Variants in RBMS3 observed in about 807,000 individuals in gnomAD.
RBMS3 encodes RNA binding motif single stranded interacting protein 3.
In RBMS3, 27 loss-of-function variants were observed where a neutral mutation model predicts 66.8. The ratio of observed to expected loss-of-function variants is 0.40; its 90% confidence interval spans 0.30 to 0.56. The LOEUF (loss-of-function observed/expected upper bound fraction) is 0.56, where lower values mean the gene tolerates loss of function less well. Among genes scored for constraint, RBMS3 ranks in the 20% least tolerant of loss-of-function variants. The pLI, the probability that RBMS3 is intolerant of heterozygous loss-of-function variation, is 0.40. For missense variants in RBMS3, 513 were observed against 549.5 expected, an observed-to-expected ratio of 0.93 and a Z score of 0.66; for synonymous variants, 188 against 183.0, an observed-to-expected ratio of 1.03 and a Z score of -0.22.
At chr3:29,625,338 A>G (rs1173897198) in intron 4 of RBMS3, among the ~76,000 whole-genome samples, 2 of 152,292 alleles carry the variant, frequency 1.3e-5, no homozygotes, top group East Asian at 1.9e-4. Context: ...CAGACCACAT[A>G]GAACCAACTT....
rs915521141 is a variant in RBMS3, at chr3:29,423,216, G to T, written c.76-11527G>T. Reference sequence around the variant, plus strand: ...GCTGAGGGCCCCAGGCAGGCAGCTTGTCTGCCAAAGAGAGACACATTTACT... The same window carrying T: ...GCTGAGGGCCCCAGGCAGGCAGCTTTTCTGCCAAAGAGAGACACATTTACT... On this transcript the variant is annotated intron_variant, in intron 1 of 14. Transcript: ENST00000383767. Among the ~76,000 whole-genome samples, 4 of 152,156 alleles carry T rather than the reference G, an allele frequency of 2.6e-5. No individual in the cohort carries two copies. The East Asian group carries it at 7.7e-4, about 29-fold the overall frequency.
chr3:29,392,291 C>T (rs566083191), intron 1 of RBMS3, among the ~76,000 whole-genome samples: 2 of 152,164 alleles, frequency 1.3e-5, no homozygotes, highest in East Asian at 3.9e-4. Context: ...AAGGTAAGAT[C>T]TATTGCCAAA....
intron 1 of RBMS3, among the ~76,000 whole-genome samples, chr3:29,331,979 G>A (rs2035692706): frequency 6.6e-6 from 1 of 152,014 alleles, no homozygotes; most frequent in Admixed American, 6.6e-5. Flanking sequence ...CTTTGGGGGA[G>A]TATCTGGTCA....
intron 1 of RBMS3, among the ~76,000 whole-genome samples, chr3:29,323,380 T>G (rs991708007): frequency 5.3e-5 from 8 of 152,144 alleles, no homozygotes; most frequent in Non-Finnish European, 1.5e-5. Flanking sequence ...AACAAAGCCG[T>G]AAACTAGGTC....
At chr3:29,565,010 T>G (rs2046692601) in intron 3 of RBMS3, among the ~76,000 whole-genome samples, 1 of 152,206 alleles carries the variant, frequency 6.6e-6, no homozygotes, top group Non-Finnish European at 1.5e-5. Flanking sequence ...ATCCTTTCCT[T>G]TCTCCTAAGG....
At chr3:29,611,564 G>GA (rs1374295426) in intron 4 of RBMS3, among the ~76,000 whole-genome samples, 2 of 151,596 alleles carry the variant, frequency 1.3e-5, no homozygotes, top group African/African-American at 4.8e-5. Context: ...TTGTATGCCA[G>GA]AAAAAAATGC....
intron 1 of RBMS3, among the ~76,000 whole-genome samples, chr3:29,359,261 T>C (rs1179901269): frequency 6.6e-5 from 10 of 152,196 alleles, no homozygotes. Context: ...CATGAAGGGC[T>C]GTTGAATTTT....
chr3:29,684,436 G>A (rs905703490), intron 4 of RBMS3, among the ~76,000 whole-genome samples: 1 of 152,098 alleles, frequency 6.6e-6, no homozygotes, highest in Admixed American at 6.5e-5. Flanking sequence ...ATGATAAGAA[G>A]TTTTACCACA....
chr3:29,994,440 GGCCT>G (rs1260052236), intron 14 of RBMS3, among the ~76,000 whole-genome samples: 1 of 152,200 alleles, frequency 6.6e-6, no homozygotes, highest in Non-Finnish European at 1.5e-5. Flanking sequence ...AGCTCAAGGA[GGCCT>G]GCCTGCCTCT....
chr3:29,975,538 A>G lies in RBMS3; in HGVS notation c.1099-12605A>G, dbSNP rs115559914. 6.9e-3 allele frequency among the ~76,000 whole-genome samples: 1,042 copies of G among 152,040 alleles called. 9 individuals carry two copies. The highest frequency in any genetic ancestry group is 0.023 in the African/African-American group (962 of 41,528). ...TGAGATCAATCATGTTTTAATATGC[A>G]TATTATCGTTTACATCAACTATATA... On this transcript the variant is annotated intron_variant, in intron 12 of 14. Coordinates refer to ENST00000383767, the MANE Select transcript of RBMS3 (RefSeq NM_001003793.3).
At chr3:29,351,909 C>A (rs1478037294) in intron 1 of RBMS3, among the ~76,000 whole-genome samples, 3 of 151,986 alleles carry the variant, frequency 2.0e-5, no homozygotes, top group Admixed American at 6.6e-5. Context: ...TGCATACACA[C>A]ACACACGTAC....
chr3:29,323,052 A>G (rs990483750), intron 1 of RBMS3, among the ~76,000 whole-genome samples: 25 of 152,130 alleles, frequency 1.6e-4, no homozygotes, highest in Admixed American at 9.2e-4. Flanking sequence ...ATCCATCACA[A>G]CCAAGTAGAA....
intron 3 of RBMS3, among the ~76,000 whole-genome samples, chr3:29,557,085 A>G (rs1177413674): frequency 1.3e-5 from 2 of 152,194 alleles, no homozygotes; most frequent in South Asian, 2.1e-4. Context: ...TATTTCCTTA[A>G]TAAATAGCTT....
rs556731975 is a variant in RBMS3, at chr3:29,655,570, A to C, written c.399+68365A>C. On this transcript the variant is annotated intron_variant, in intron 4 of 14. Transcript: ENST00000383767. ...CTCACATGTGCGTGATGATGCTGGT[A>C]TAAACAAATCTATTGTGCTGCCAGT... Among the ~76,000 whole-genome samples, 4 of 152,380 alleles carry C rather than the reference A, an allele frequency of 2.6e-5. No individual in the cohort carries two copies. In the East Asian group the frequency reaches 7.7e-4, roughly 29 times the overall value.
At chr3:29,469,771 T>A (rs1293421091) in intron 2 of RBMS3, among the ~76,000 whole-genome samples, 1 of 151,238 alleles carries the variant, frequency 6.6e-6, no homozygotes, top group African/African-American at 2.4e-5. Context: ...ATAAAATGTC[T>A]GTGGGGAAAA....
chr3:29,949,442 G>A (rs559383384), intron 12 of RBMS3, among the ~76,000 whole-genome samples: 1 of 151,904 alleles, frequency 6.6e-6, no homozygotes, highest in Admixed American at 6.6e-5. Flanking sequence ...AAAATAGGCA[G>A]CAAGCAGAAT....
intron 1 of RBMS3, among the ~76,000 whole-genome samples, chr3:29,362,511 A>G (rs2037660506): frequency 2.0e-5 from 3 of 152,162 alleles, no homozygotes; most frequent in Admixed American, 2.0e-4. Context: ...CCACTTGAGG[A>G]GGCAGTCTGC....
At chr3:29,996,383 C>G in intron 14 of RBMS3, among the ~76,000 whole-genome samples, 1 of 148,474 alleles carries the variant, frequency 6.7e-6, no homozygotes, top group Admixed American at 6.8e-5. Flanking sequence ...AACAAGGATA[C>G]CCAGGAATTG....
intron 1 of RBMS3, among the ~76,000 whole-genome samples, chr3:29,404,705 T>A (rs974898706): frequency 1.3e-5 from 2 of 152,092 alleles, no homozygotes; most frequent in Admixed American, 6.6e-5. Flanking sequence ...AGGTTGGTCT[T>A]GAGTGATAAA....
Sources: allele counts gnomAD v4.1 joint callset (sites outside exome capture counted in the v4.1 genomes callset), GRCh38; gene constraint gnomAD v4.1.1; transcripts MANE v1.5; gene names NCBI Gene and HGNC (gene_info 2026-07-23, HGNC 2026-07-21).